The following SHTN1 variants were observed in gnomAD, a reference collection of about 807,000 sequenced individuals.
The protein encoded by SHTN1 is shootin 1, also known as shootin-1.
Under a neutral mutation model 83.1 loss-of-function variants are expected in SHTN1, and 42 were observed. The observed-to-expected ratio is 0.51, with a 90% confidence interval of 0.39 to 0.65. SHTN1 has a LOEUF of 0.65. SHTN1 is among the 30% of genes least tolerant of loss of function. The pLI is 0.00. For missense variants in SHTN1, 622 were observed against 737.8 expected, an observed-to-expected ratio of 0.84 and a Z score of 1.82; for synonymous variants, 224 against 247.7, an observed-to-expected ratio of 0.90 and a Z score of 0.90.
At chr10:117,009,583 G>A (rs939943082), upstream of SHTN1, among the ~76,000 whole-genome samples, 19 of 152,024 alleles carry the variant, frequency 1.2e-4, 1 homozygote, top group Admixed American at 3.9e-4. Context: ...CAAAAGGGTT[G>A]ATTCGGTAAG....
chr10:117,043,791 G>T (rs1020762898), intron 2 of SHTN1, among the ~76,000 whole-genome samples: 57 of 152,220 alleles, frequency 3.7e-4, no homozygotes, highest in African/African-American at 1.3e-3. Context: ...GCAGTAAGCT[G>T]TGATCATGCT....
At chr10:117,101,277 C>G (rs549572414) in intron 1 of SHTN1, among the ~76,000 whole-genome samples, 7 of 152,232 alleles carry the variant, frequency 4.6e-5, no homozygotes, top group Non-Finnish European at 1.0e-4. Context: ...ATCAGCTCAT[C>G]TGTATGTGGA....
intron 2 of SHTN1, among the ~76,000 whole-genome samples, chr10:117,035,935 G>A (rs1448288908): frequency 7.2e-4 from 46 of 64,328 alleles, no homozygotes; most frequent in African/African-American, 2.3e-3. Context: ...GAACAAGAGC[G>A]AAACTCCATC....
At chr10:117,040,215 T>C (rs1852563990) in intron 2 of SHTN1, among the ~76,000 whole-genome samples, 1 of 152,138 alleles carries the variant, frequency 6.6e-6, no homozygotes, top group African/African-American at 2.4e-5. Context: ...ACAAAGGACT[T>C]AGGGTAGCCA....
In SHTN1 at chr10:116,923,777, C is replaced by T. The variant is rs1848645477; in HGVS notation, c.1113-2261G>A. Among the ~76,000 whole-genome samples, 5 of 152,158 alleles carry T rather than the reference C, an allele frequency of 3.3e-5. No individual in the cohort carries two copies. In the South Asian group the frequency reaches 8.3e-4, roughly 25 times the overall value. On this transcript the variant is annotated intron_variant, in intron 11 of 16. Coordinates refer to ENST00000355371, the MANE Select transcript of SHTN1 (RefSeq NM_001127211.3). ...TGTTGCCCAGGCTGGTCCTGAACTC[C>T]TGGCCTCAAGCAATCTTCCTGCCTT...
At chr10:117,086,167 C>A (rs1229639212) in intron 1 of SHTN1, among the ~76,000 whole-genome samples, 1 of 152,194 alleles carries the variant, frequency 6.6e-6, no homozygotes, top group Admixed American at 6.5e-5. Flanking sequence ...ATCTGCCCGC[C>A]TTGGCCTCCC....
intron 1 of SHTN1, among the ~76,000 whole-genome samples, chr10:116,997,448 T>C (rs919125062): frequency 2.0e-5 from 3 of 152,206 alleles, no homozygotes; most frequent in African/African-American, 7.2e-5. Flanking sequence ...TACCCTTCAA[T>C]CCTTAAGGCA....
chr10:116,977,933 T>G (rs1850868674), intron 2 of SHTN1, among the ~76,000 whole-genome samples: 1 of 152,094 alleles, frequency 6.6e-6, no homozygotes, highest in South Asian at 2.1e-4. Context: ...CACCTCAGCC[T>G]CCCAAAGTGC....
At chr10:117,054,698 C>T (rs769004528) in intron 1 of SHTN1, among the ~76,000 whole-genome samples, 1 of 151,978 alleles carries the variant, frequency 6.6e-6, no homozygotes, top group Non-Finnish European at 1.5e-5. Flanking sequence ...TGAGCCACCG[C>T]ACCTGGCCAG....
intron 5 of SHTN1, 42 bp downstream of exon 5, chr10:116,954,000 C>G (rs376417669): frequency 1.3e-6 from 2 of 1,518,770 alleles, no homozygotes; most frequent in South Asian, 2.5e-5. Context: ...ACTATCATAA[C>G]GGGGTAAAAA....
intron 3 of SHTN1, chr10:116,960,480 A>T (rs1441599621): frequency 3.3e-5 from 12 of 365,052 alleles, no homozygotes; most frequent in Non-Finnish European, 5.9e-5. Flanking sequence ...ACATTTTAAG[A>T]GCGCTATTTA....
intron 1 of SHTN1, among the ~76,000 whole-genome samples, chr10:116,990,287 CTTTTTTT>C (rs11399364): frequency 8.3e-6 from 1 of 119,920 alleles, no homozygotes; most frequent in Non-Finnish European, 1.7e-5. Flanking sequence ...TTTTTTCTTT[CTTTTTTT>C]TTTTTTTTTT....
intron 7 of SHTN1, 94 bp from the exon 8 acceptor site, chr10:116,945,112 A>C (rs1041341754): frequency 1.3e-6 from 1 of 793,822 alleles, no homozygotes; most frequent in African/African-American, 1.7e-5. Flanking sequence ...GATTTTTCAT[A>C]CCAGCATACA....
chr10:116,959,550 A>C (rs1427056553), intron 4 of SHTN1, among the ~76,000 whole-genome samples: 1 of 152,222 alleles, frequency 6.6e-6, no homozygotes, highest in East Asian at 1.9e-4. Context: ...CCCAAAATAC[A>C]TAAGACAGAG....
intron 1 of SHTN1, among the ~76,000 whole-genome samples, chr10:117,086,004 T>A (rs938874990): frequency 7.2e-6 from 1 of 138,312 alleles, no homozygotes; most frequent in African/African-American, 2.6e-5. Flanking sequence ...CACTTCAACC[T>A]CCACCTCCCG....
intron 1 of SHTN1, among the ~76,000 whole-genome samples, chr10:116,985,896 T>C (rs547642227): frequency 6.6e-6 from 1 of 152,322 alleles, no homozygotes; most frequent in Non-Finnish European, 1.5e-5. Context: ...AGAGAAGTCA[T>C]TTGTAACTTA....
At chr10:117,076,285 T>A (rs1439225256) in intron 1 of SHTN1, among the ~76,000 whole-genome samples, 1 of 151,910 alleles carries the variant, frequency 6.6e-6, no homozygotes, top group Non-Finnish European at 1.5e-5. Flanking sequence ...TTTAGGAAAG[T>A]GACAGTAGGG....
At chr10:116,911,429 A>G (rs1314846977) in intron 14 of SHTN1, 1 of 1,535,206 alleles carries the variant, frequency 6.5e-7, no homozygotes, top group African/African-American at 1.4e-5. Context: ...TTAGGCTTCA[A>G]AGTAAAGCAT....
At chr10:116,907,869 AAC>A in intron 14 of SHTN1, 1 of 517,714 alleles carries the variant, frequency 1.9e-6, no homozygotes, top group South Asian at 1.4e-5. Context: ...GTAATGTTTG[AAC>A]TCACTAAGGA....
Sources: allele counts gnomAD v4.1 joint callset (sites outside exome capture counted in the v4.1 genomes callset), GRCh38; gene constraint gnomAD v4.1.1; transcripts MANE v1.5; gene names NCBI Gene and HGNC (gene_info 2026-07-23, HGNC 2026-07-21).